TMEM117: variants seen among roughly 807,000 people sequenced by gnomAD.
TMEM117 encodes transmembrane protein 117.
Under a neutral mutation model 52.4 loss-of-function variants are expected in TMEM117, and 27 were observed. The ratio of observed to expected loss-of-function variants is 0.51; its 90% CI spans 0.38 to 0.71. The LOEUF is 0.71. Among genes scored for constraint, TMEM117 ranks in the 30% least tolerant of loss-of-function variants. TMEM117 has a pLI of 0.00. For synonymous variants in TMEM117, 215 were observed against 206.3 expected, an observed-to-expected ratio of 1.04 and a Z score of -0.36; for missense variants, 556 against 630.5, an observed-to-expected ratio of 0.88 and a Z score of 1.26.
chr12:43,867,842 C>T (rs530407651), intron 2 of TMEM117, among the ~76,000 whole-genome samples: 146 of 152,002 alleles, frequency 9.6e-4, no homozygotes, highest in Non-Finnish European at 1.9e-3. Context: ...ATTTATTGTC[C>T]TTCTCTTACT....
At chr12:43,821,057 T>G in the TMEM117 span, among the ~76,000 whole-genome samples, 1 of 148,354 alleles carries the variant, frequency 6.7e-6, no homozygotes, top group African/African-American at 2.5e-5. Flanking sequence ...ATCGCGCCAC[T>G]GCACTCTAGC....
intron 6 of TMEM117, among the ~76,000 whole-genome samples, chr12:44,329,170 A>T (rs368392624): frequency 6.6e-6 from 1 of 152,066 alleles, no homozygotes; most frequent in African/African-American, 2.4e-5. Flanking sequence ...GTAATATGAA[A>T]TTACATAGGA....
At chr12:43,993,741 C>G (rs914365109) in intron 3 of TMEM117, among the ~76,000 whole-genome samples, 2 of 152,158 alleles carry the variant, frequency 1.3e-5, no homozygotes, top group Non-Finnish European at 2.9e-5. Context: ...TTTGCCCAGG[C>G]TGGAGTGCAG....
At chr12:44,143,663 C>T (rs376316570) in intron 4 of TMEM117, 39 bp downstream of exon 4, 85 of 1,451,632 alleles carry the variant, frequency 5.9e-5, no homozygotes, top group South Asian at 1.3e-4. Context: ...AAACATCAAA[C>T]GGAAGACATG....
intron 2 of TMEM117, among the ~76,000 whole-genome samples, chr12:43,864,352 A>C (rs528305499): frequency 1.3e-5 from 2 of 152,372 alleles, no homozygotes; most frequent in East Asian, 3.9e-4. Context: ...GGGTGAAGCC[A>C]GCTGGGCTTC....
chr12:44,036,219 T>C (rs1031891055), intron 3 of TMEM117, among the ~76,000 whole-genome samples: 3 of 152,288 alleles, frequency 2.0e-5, no homozygotes, highest in Admixed American at 6.5e-5. Context: ...TTTTGAAATA[T>C]GTAAAGTAAA....
intron 3 of TMEM117, among the ~76,000 whole-genome samples, chr12:44,021,391 T>C (rs1291425215): frequency 6.6e-6 from 1 of 152,174 alleles, no homozygotes; most frequent in Non-Finnish European, 1.5e-5. Context: ...GCATTAGTTT[T>C]CTAAGGATAA....
At chr12:43,960,363 A>C (rs1347610372) in intron 3 of TMEM117, among the ~76,000 whole-genome samples, 1 of 151,992 alleles carries the variant, frequency 6.6e-6, no homozygotes, top group Non-Finnish European at 1.5e-5. Context: ...AAAGAGAATG[A>C]GACTAGACTT....
At chr12:43,998,455 T>A (rs530790985) in intron 3 of TMEM117, among the ~76,000 whole-genome samples, 2 of 152,346 alleles carry the variant, frequency 1.3e-5, no homozygotes, top group South Asian at 4.1e-4. Context: ...TTTTAATTGG[T>A]GTTTCTAGAC....
chr12:43,824,264 T>G, the TMEM117 span, among the ~76,000 whole-genome samples: 2 of 152,016 alleles, frequency 1.3e-5, no homozygotes, highest in African/African-American at 4.8e-5. Flanking sequence ...TGAAGAAGAG[T>G]GATTTCACTA....
chr12:43,978,839 G>T (rs769896022), intron 3 of TMEM117, among the ~76,000 whole-genome samples: 1 of 151,852 alleles, frequency 6.6e-6, no homozygotes, highest in Non-Finnish European at 1.5e-5. Context: ...TTTTAGTCCC[G>T]GTATGTGAGC....
intron 5 of TMEM117, among the ~76,000 whole-genome samples, chr12:44,232,775 C>A (rs1478101556): frequency 2.6e-5 from 4 of 151,316 alleles, no homozygotes; most frequent in African/African-American, 9.7e-5. Flanking sequence ...TCTCAGTAAA[C>A]AATATCATGT....
At chr12:44,325,949 G>A (rs1360460373) in intron 6 of TMEM117, among the ~76,000 whole-genome samples, 2 of 152,180 alleles carry the variant, frequency 1.3e-5, no homozygotes, top group East Asian at 1.9e-4. Flanking sequence ...TCTACTTGAG[G>A]TCAGGGATTC....
At chr12:43,804,225 G>A in the TMEM117 span, 1 of 484,184 alleles carries the variant, frequency 2.1e-6, no homozygotes, top group South Asian at 1.6e-5. Flanking sequence ...ATTAGAAATG[G>A]ACTGTGGTGC....
At chr12:43,814,127 T>TA in the TMEM117 span, among the ~76,000 whole-genome samples, 14 of 152,056 alleles carry the variant, frequency 9.2e-5, no homozygotes, top group Non-Finnish European at 1.5e-4. Flanking sequence ...TAATTTTCAT[T>TA]AAAAAAATAC....
chr12:43,981,094 G>A (rs960272080), intron 3 of TMEM117, among the ~76,000 whole-genome samples: 2 of 151,984 alleles, frequency 1.3e-5, no homozygotes, highest in Non-Finnish European at 2.9e-5. Flanking sequence ...AAAGCTTCCC[G>A]GCCTTCCAAG....
chr12:44,136,537 A>G (rs1052848842), intron 3 of TMEM117, among the ~76,000 whole-genome samples: 13 of 152,096 alleles, frequency 8.5e-5, no homozygotes, highest in African/African-American at 3.1e-4. Flanking sequence ...TACAGTATCC[A>G]TTTGAAGGGC....
intron 3 of TMEM117, among the ~76,000 whole-genome samples, chr12:44,095,048 G>A (rs1335562925): frequency 6.6e-6 from 1 of 152,026 alleles, no homozygotes; most frequent in East Asian, 1.9e-4. Flanking sequence ...TGGGATCAGG[G>A]CAAAAAAATC....
chr12:44,344,559 C>T (rs1487844990), intron 6 of TMEM117, among the ~76,000 whole-genome samples: 2 of 151,718 alleles, frequency 1.3e-5, no homozygotes, highest in Non-Finnish European at 2.9e-5. Flanking sequence ...CTAATTTGGG[C>T]AGATATGGAG....
Sources: gnomAD v4.1 joint callset for allele counts (sites outside exome capture counted in the v4.1 genomes callset) on GRCh38, gnomAD v4.1.1 for gene constraint, MANE v1.5 for transcripts, NCBI Gene and HGNC (gene_info 2026-07-23, HGNC 2026-07-21) for gene names.